SNX7: variants seen among roughly 807,000 people sequenced by gnomAD.
The protein encoded by SNX7 is sorting nexin 7, also known as sorting nexin-7.
A neutral mutation model predicts 48.4 loss-of-function variants in SNX7; 35 were observed. The ratio of observed to expected loss-of-function variants is 0.72; its 90% CI spans 0.55 to 0.96. SNX7 has a LOEUF of 0.96. Ranked by LOEUF, SNX7 falls within the 40% of genes least tolerant of loss-of-function variation. The probability of loss-of-function intolerance (pLI) is 0.00; values close to 1 mark genes in which losing one functional copy is unlikely to be tolerated. For missense variants in SNX7, 553 were observed against 548.9 expected (o/e 1.01, Z -0.07); for synonymous variants, 190 against 190.2 (o/e 1.00, Z 0.01).
At chr1:98,670,247 C>A (rs1008861476) in intron 1 of SNX7, among the ~76,000 whole-genome samples, 2 of 151,918 alleles carry the variant, frequency 1.3e-5, no homozygotes, top group Admixed American at 6.6e-5. Context: ...CATAAAAAAT[C>A]CAAGATAACA....
At chr1:98,711,240 A>G (rs1390595642) in intron 7 of SNX7, among the ~76,000 whole-genome samples, 1 of 151,976 alleles carries the variant, frequency 6.6e-6, no homozygotes, top group East Asian at 1.9e-4. Flanking sequence ...TGGATCTCGA[A>G]CTCCTGACCT....
At chr1:98,720,168 C>A (rs1161657593) in intron 7 of SNX7, among the ~76,000 whole-genome samples, 2 of 151,726 alleles carry the variant, frequency 1.3e-5, no homozygotes, top group Admixed American at 6.6e-5. Context: ...GACTTGTCTA[C>A]CCCCACTCTT....
At chr1:98,744,614 T>C (rs1654230233) in intron 8 of SNX7, among the ~76,000 whole-genome samples, 1 of 152,056 alleles carries the variant, frequency 6.6e-6, no homozygotes, top group African/African-American at 2.4e-5. Context: ...TAATGGAAAC[T>C]AAGAAAACAG....
chr1:98,734,050 C>T (rs1332158164), intron 7 of SNX7, among the ~76,000 whole-genome samples: 1 of 152,102 alleles, frequency 6.6e-6, no homozygotes, highest in African/African-American at 2.4e-5. Context: ...CTTCTCCTTG[C>T]CAACTCCAGA....
chr1:98,724,736 CT>C (rs1488039811), intron 7 of SNX7, among the ~76,000 whole-genome samples: 7 of 152,034 alleles, frequency 4.6e-5, no homozygotes, highest in Non-Finnish European at 8.8e-5. Context: ...AAATTTCTCC[CT>C]AGATTGCTTT....
chr1:98,708,462 A>T (rs187615845), intron 7 of SNX7, among the ~76,000 whole-genome samples: 1 of 152,176 alleles, frequency 6.6e-6, no homozygotes, highest in African/African-American at 2.4e-5. Context: ...ACACCCAGTT[A>T]CAGATACCTG....
chr1:98,741,578 T>C (rs1462385655), intron 8 of SNX7, among the ~76,000 whole-genome samples: 1 of 152,182 alleles, frequency 6.6e-6, no homozygotes, highest in Non-Finnish European at 1.5e-5. Flanking sequence ...GTGTTGAGTC[T>C]TTTTAAACAA....
At chr1:98,680,552 T>G (rs547648035) in intron 1 of SNX7, among the ~76,000 whole-genome samples, 21 of 152,310 alleles carry the variant, frequency 1.4e-4, no homozygotes, top group African/African-American at 5.1e-4. Flanking sequence ...ATGCTCCGCT[T>G]CCCTTGTAAA....
At chr1:98,679,885 A>C (rs764316161) in intron 1 of SNX7, among the ~76,000 whole-genome samples, 5 of 152,264 alleles carry the variant, frequency 3.3e-5, no homozygotes, top group Admixed American at 6.5e-5. Context: ...TTCCAGAGGC[A>C]CAGTGCGAGC....
Position 98,691,738 on chromosome 1 carries a change from G to A in SNX7, c.639+39G>A, listed in dbSNP as rs763314420. 3 of 1,486,458 alleles carry A rather than the reference G, an allele frequency of 2.0e-6. No homozygotes were observed. In the Admixed American group the frequency reaches 6.1e-5, roughly 30 times the overall value. The allele number at this position is 1,486,458 out of a possible 1,614,324, so 92.1% of individuals were successfully genotyped here. A position where few individuals can be genotyped will look rare whatever the true frequency, so the allele number is the denominator to read the frequency against. ...ATTTATACTCATATAATCTTTGGGT[G>A]TCTGTATCTATAGTAGATTGTATTG... On this transcript the variant is annotated intron_variant, in intron 4 of 8. Transcript: ENST00000306121.
intron 7 of SNX7, among the ~76,000 whole-genome samples, chr1:98,737,147 T>A (rs575720366): frequency 6.6e-6 from 1 of 152,184 alleles, no homozygotes; most frequent in Admixed American, 6.6e-5. Context: ...GGCATGCTTC[T>A]ACCTCCAGGT....
chr1:98,727,139 C>T (rs778385923), intron 7 of SNX7, among the ~76,000 whole-genome samples: 5 of 152,150 alleles, frequency 3.3e-5, no homozygotes, highest in African/African-American at 1.2e-4. Context: ...GAACCCGGGA[C>T]GTGGAGTGTG....
chr1:98,742,214 G>C (rs947842068), intron 8 of SNX7, among the ~76,000 whole-genome samples: 1 of 152,090 alleles, frequency 6.6e-6, no homozygotes, highest in African/African-American at 2.4e-5. Context: ...AGTAAGAAAG[G>C]GTAGGGAATT....
chr1:98,664,433 C>A (rs1229919442), intron 1 of SNX7, among the ~76,000 whole-genome samples: 1 of 152,082 alleles, frequency 6.6e-6, no homozygotes, highest in Non-Finnish European at 1.5e-5. Context: ...GAAGCTGAGG[C>A]AGGAGAATCT....
intron 8 of SNX7, among the ~76,000 whole-genome samples, chr1:98,747,724 A>C (rs550351213): frequency 6.6e-6 from 1 of 152,312 alleles, no homozygotes; most frequent in South Asian, 2.1e-4. Flanking sequence ...TGTAAAACAC[A>C]GTCAATGGTA....
At chr1:98,668,856 T>A (rs1649683533) in intron 1 of SNX7, among the ~76,000 whole-genome samples, 1 of 152,218 alleles carries the variant, frequency 6.6e-6, no homozygotes, top group Non-Finnish European at 1.5e-5. Context: ...ATGAAAGGGA[T>A]TGCCCAACAG....
intron 8 of SNX7, among the ~76,000 whole-genome samples, chr1:98,742,999 TG>T (rs764739868): frequency 2.6e-5 from 4 of 152,076 alleles, no homozygotes; most frequent in African/African-American, 9.6e-5. Context: ...GTTAAACATT[TG>T]TTTTTTTTCT....
intron 7 of SNX7, among the ~76,000 whole-genome samples, chr1:98,710,131 T>C (rs985536058): frequency 6.6e-6 from 1 of 152,178 alleles, no homozygotes; most frequent in African/African-American, 2.4e-5. Context: ...GAATGACTCA[T>C]GTAACCGTTA....
chr1:98,757,601 C>T (rs1654913844), intron 8 of SNX7, among the ~76,000 whole-genome samples: 1 of 152,034 alleles, frequency 6.6e-6, no homozygotes, highest in Admixed American at 6.6e-5. Flanking sequence ...AGAATTAGAG[C>T]TTCAGTCCAT....
Sources: gnomAD v4.1 joint callset for allele counts (sites outside exome capture counted in the v4.1 genomes callset) on GRCh38, gnomAD v4.1.1 for gene constraint, MANE v1.5 for transcripts, NCBI Gene and HGNC (gene_info 2026-07-23, HGNC 2026-07-21) for gene names.